The following COL20A1 variants were observed in gnomAD, a reference collection of about 807,000 sequenced individuals.
COL20A1 encodes the protein collagen type XX alpha 1 chain.
Under a neutral mutation model 152.9 loss-of-function variants are expected in COL20A1, and 164 were observed. The observed-to-expected ratio is 1.07, with a 90% CI of 0.94 to 1.22. The LOEUF (loss-of-function observed/expected upper bound fraction) is 1.22. COL20A1 is among the 50% of genes most tolerant of loss of function. The pLI is 0.00. For synonymous variants in COL20A1, 864 were observed against 756.0 expected (o/e 1.14, Z -2.34); for missense variants, 1,873 against 1,744.8 (o/e 1.07, Z -1.31).
Position 63,306,179 on chromosome 20 carries a change from C to G in COL20A1, c.496+140C>G, listed in dbSNP as rs1404057921. Reference sequence around the variant, plus strand: ...ACCACGAGGCCAGGAAGTTCTTCCTCGTGTCTGACCACACGGTCTCTGACC... The same window carrying G: ...ACCACGAGGCCAGGAAGTTCTTCCTGGTGTCTGACCACACGGTCTCTGACC... On this transcript the variant is annotated intron_variant, in intron 5 of 35. Transcript: ENST00000358894. The surrounding 1 kb of genome is among the most constrained non-coding windows in gnomAD (Gnocchi z 6.9). The G allele has an allele frequency of 1.5e-6, 1 of 657,440 alleles. No individual in the cohort carries two copies. Among genetic ancestry groups the G allele is most frequent in the African/African-American group, 1.8e-5 (1 of 54,162 alleles). The allele number at this position is 657,440 out of a possible 1,614,324, so 40.7% of individuals were successfully genotyped here.
intron 14 of COL20A1, 40 bp downstream of exon 14, chr20:63,312,095 G>A: frequency 2.0e-6 from 3 of 1,516,284 alleles, no homozygotes; most frequent in Non-Finnish European, 2.6e-6. Flanking sequence ...TGTCTTGAGG[G>A]ACCACAGGGC....
chr20:63,299,785 G>C (rs1011819115), intron 3 of COL20A1, among the ~76,000 whole-genome samples: 7 of 151,684 alleles, frequency 4.6e-5, no homozygotes, highest in African/African-American at 1.7e-4. Flanking sequence ...AAACTACAGT[G>C]ATTGATTTTT....
At position 63,305,718 on chromosome 20, in the gene COL20A1, G is replaced by C. The variant is rs192870698; in HGVS notation, c.337+158G>C. Among the ~76,000 whole-genome samples the C allele has an allele frequency of 4.0e-3, 615 of 152,308 alleles. 2 individuals carry two copies. Among genetic ancestry groups the C allele is most frequent in the African/African-American group, 0.014 (585 of 41,558 alleles). ...TGTGCTAGGGGCAGGTTCAAGTCCCGACTCACCAGCAAGGCTGCCTTGCCC... is the reference window on the plus strand; with the variant it reads ...TGTGCTAGGGGCAGGTTCAAGTCCCCACTCACCAGCAAGGCTGCCTTGCCC... On this transcript the variant is annotated intron_variant, in intron 4 of 35. Transcript: ENST00000358894. The surrounding 1 kb of genome is among the most constrained non-coding windows in gnomAD (Gnocchi z 4.9).
intron 25 of COL20A1, 75 bp downstream of exon 25, chr20:63,320,443 G>T: frequency 3.5e-6 from 5 of 1,409,764 alleles, no homozygotes; most frequent in Non-Finnish European, 5.0e-6. Flanking sequence ...AGTGCCTGGG[G>T]TCAGTTGGCC....
At chr20:63,304,467 G>A (rs1441060338) in intron 3 of COL20A1, among the ~76,000 whole-genome samples, 2 of 128,766 alleles carry the variant, frequency 1.6e-5, no homozygotes, top group African/African-American at 6.0e-5. Flanking sequence ...CTCCAGGTGT[G>A]CAGGTGTGGG....
rs1320641312 is a variant in COL20A1 at position 63,307,825 on chromosome 20, T to C, written c.656-146T>C. The C allele has an allele frequency of 9.2e-6, 11 of 1,194,182 alleles. No individual in the cohort carries two copies. In the African/African-American group the frequency reaches 1.7e-4, roughly 18 times the overall value. The allele number at this position is 1,194,182 out of a possible 1,614,324, so 74.0% of individuals were successfully genotyped here. On this transcript the variant is annotated intron_variant, in intron 6 of 35. Transcript: ENST00000358894. ...CCCCTCCGTGTGGAGGCCCTGGCTC[T>C]GCAAGCGTCCTCTCCCTGGGGACTG...
chr20:63,312,106 CCT>C (rs2068016866), intron 14 of COL20A1, 51 bp downstream of exon 14: 11 of 1,500,536 alleles, frequency 7.3e-6, no homozygotes, highest in Non-Finnish European at 9.8e-6. Context: ...ACCACAGGGC[CCT>C]GTCTGGCAGG....
rs769798121 is a variant in COL20A1, at chr20:63,309,315, C to G, written c.941-18C>G. 1.4e-6 allele frequency: 2 copies of G among 1,446,254 alleles called. No homozygotes were observed. Among genetic ancestry groups the G allele is most frequent in the South Asian group, 3.1e-5 (2 of 65,012 alleles). 89.6% of individuals were successfully genotyped at this position (1,446,254 alleles called of 1,614,324 possible). ...TGACCCCAGTGCAGGCCAACCCCAC[C>G]TCCCTCCTCACGAGCAGGTGTGAAG... On this transcript the variant is annotated intron_variant, in intron 8 of 35. Transcript: ENST00000358894.
chr20:63,309,531 C>A (rs977498796), intron 9 of COL20A1, 34 bp downstream of exon 9: 3 of 1,460,608 alleles, frequency 2.1e-6, no homozygotes, highest in South Asian at 2.7e-5. Context: ...AGGCTGCAGC[C>A]CCCCCGGCTG....
At chr20:63,315,053 C>A (rs1402795252) in intron 19 of COL20A1, among the ~76,000 whole-genome samples, 2 of 152,180 alleles carry the variant, frequency 1.3e-5, no homozygotes, top group Non-Finnish European at 2.9e-5. Context: ...ACACACCAGG[C>A]ATCTCCCTGG....
At chr20:63,315,379 C>T in intron 19 of COL20A1, 25 bp from the exon 20 acceptor site, 1 of 1,566,478 alleles carries the variant, frequency 6.4e-7, no homozygotes. Flanking sequence ...CTCCCACTCA[C>T]ACTGACCCTG....
intron 2 of COL20A1, among the ~76,000 whole-genome samples, chr20:63,296,885 C>G (rs1160223986): frequency 6.6e-6 from 1 of 152,106 alleles, no homozygotes. Context: ...CGGGGGGCAG[C>G]CCAAAGAAGC....
intron 10 of COL20A1, 125 bp downstream of exon 10, chr20:63,310,040 G>C (rs73921038): frequency 1.0e-6 from 1 of 952,780 alleles, no homozygotes. Flanking sequence ...AGGGGGTGTC[G>C]AGGGGCTGAC....
Position 63,313,692 on chromosome 20 carries a change from G to A in COL20A1, c.2210-51G>A, listed in dbSNP as rs374081562. ...GCAGCTGGTCCTCTGGCCACCGGGT[G>A]CCTCCTTTCTGGAGGGGCCTGAGCC... On this transcript the variant is annotated intron_variant, in intron 17 of 35. Transcript: ENST00000358894. The surrounding 1 kb of genome is among the most constrained non-coding windows in gnomAD (Gnocchi z 5.9). 828 of 1,497,376 alleles carry A rather than the reference G, an allele frequency of 5.5e-4. 7 individuals are homozygous for A. The South Asian group carries it at 0.011, about 19-fold the overall frequency. The allele number at this position is 1,497,376 out of a possible 1,614,324, so 92.8% of individuals were successfully genotyped here.
chr20:63,313,471 C>T lies in COL20A1; in HGVS notation c.2209+222C>T, dbSNP rs935806163. 1.3e-5 allele frequency among the ~76,000 whole-genome samples: 2 copies of T among 152,164 alleles called. No individual in the cohort carries two copies. The highest frequency in any genetic ancestry group is 2.9e-5 in the Non-Finnish European group (2 of 68,014). On this transcript the variant is annotated intron_variant, in intron 17 of 35. Transcript: ENST00000358894. This position sits in a 1 kb window ranked among gnomAD's most constrained non-coding sequence, Gnocchi z 5.9. ...CGAGTGCACAAACCACCTAGTGTCC[C>T]GCAGGGCAGCCCAGGCAGCAGCCCT...
At position 63,308,543 on chromosome 20, in the gene COL20A1, C is replaced by T; in HGVS notation, c.777C>T (p.Gly259=). 3.8e-6 allele frequency: 6 copies of T among 1,594,230 alleles called. No homozygotes were observed. Among genetic ancestry groups the T allele is most frequent in the Non-Finnish European group, 4.3e-6 (5 of 1,171,004 alleles). ...CACTTTATTCCTGCTGCTCCCAAGG[C>T]CTTGCCCTGACCCACGTGCTGGGGC... ...LRYKGGNTFT[G]LALTHVLGQN... The change falls in exon 8 of 36, where the codon GGC becomes GGT. Residue 259 remains glycine, a splice_region_variant and synonymous_variant. Coordinates refer to ENST00000358894, the MANE Select transcript of COL20A1 (RefSeq NM_020882.4).
rs2068010295 is a variant in COL20A1 at position 63,311,776 on chromosome 20, C to T, written c.1663+28C>T. On this transcript the variant is annotated intron_variant, in intron 13 of 35. Coordinates refer to ENST00000358894, the MANE Select transcript of COL20A1 (RefSeq NM_020882.4). The surrounding 1 kb of genome is among the most constrained non-coding windows in gnomAD (Gnocchi z 4.4). ...GAGTGCTCCAACCCCGGCTGCCTGC[C>T]CACAGGCGGGTGCCCCATCTTGTTC... 2 of 1,574,068 alleles carry T rather than the reference C, an allele frequency of 1.3e-6. No individual in the cohort carries two copies. The highest frequency in any genetic ancestry group is 1.7e-6 in the Non-Finnish European group (2 of 1,166,496).
chr20:63,323,232 C>T (rs2068192893), intron 27 of COL20A1, among the ~76,000 whole-genome samples: 1 of 152,242 alleles, frequency 6.6e-6, no homozygotes. Context: ...AATTTGTGGG[C>T]ACGCTTTTTA....
Position 63,320,056 on chromosome 20 carries a change from C to A in COL20A1, c.2934C>A (p.Gly978=), listed in dbSNP as rs1380526187. ...TCTCACAGGTGCACGTGGCTGTGGG[C>A]CGCTCCAAGGTCAGGCTCTATGTGG... ...GSFHKVHVAV[G]RSKVRLYVDC... The change falls in exon 24 of 36, where the codon GGC becomes GGA. Residue 978 remains glycine (G), a synonymous_variant. Coordinates refer to ENST00000358894, the MANE Select transcript of COL20A1 (RefSeq NM_020882.4). 25 of 1,554,590 alleles carry A rather than the reference C, an allele frequency of 1.6e-5. No individual in the cohort carries two copies. Among genetic ancestry groups the A allele is most frequent in the Non-Finnish European group, 2.2e-5 (25 of 1,149,884 alleles).
Sources: gnomAD v4.1 joint callset for allele counts (sites outside exome capture counted in the v4.1 genomes callset) on GRCh38, gnomAD v4.1.1 for gene constraint, Gnocchi (gnomAD v3.1) non-coding constraint, MANE v1.5 for transcripts, NCBI Gene and HGNC (gene_info 2026-07-23, HGNC 2026-07-21) for gene names.